Variants in LAMA2 observed in about 807,000 individuals in gnomAD.
LAMA2 encodes the protein laminin subunit alpha 2, also known as laminin subunit alpha-2.
In LAMA2, 269 loss-of-function variants were observed where a neutral mutation model predicts 364.8. The ratio of observed to expected loss-of-function variants is 0.74; its 90% CI spans 0.67 to 0.82. The LOEUF is 0.82. LAMA2 is among the 40% of genes least tolerant of loss of function. LAMA2 has a pLI of 0.00. For synonymous variants in LAMA2, 1,379 were observed against 1,370.6 expected, an observed-to-expected ratio of 1.01 and a Z score of -0.14; for missense variants, 3,807 against 3,873.2, an observed-to-expected ratio of 0.98 and a Z score of 0.45.
Position 129,507,518 on chromosome 6 carries a change from G to T in LAMA2, c.8733G>T (p.Arg2911Ser), listed in dbSNP as rs1416941993. The change falls in exon 62 of 65, where the codon AGG becomes AGT. Residue 2911 changes from arginine (R) to serine (S), a missense_variant. Around this residue, in one of 3 missense-constraint regions of LAMA2, gnomAD observed 3,333 missense variants for 3,345.7 expected, o/e 1.00. Coordinates refer to ENST00000421865, the MANE Select transcript of LAMA2 (RefSeq NM_000426.4). ...PVTYSIDGCV[R>S]NLHMAEAPAD... ...CCTATAGCATTGATGGCTGCGTCAG[G>T]AATCTCCACATGGCAGAGGCCCCTG... 3.1e-6 allele frequency: 5 copies of T among 1,614,150 alleles called. No homozygotes were observed. The highest frequency in any genetic ancestry group is 4.2e-6 in the Non-Finnish European group (5 of 1,180,004).
chr6:129,390,005 A>G (rs893116080), intron 35 of LAMA2, among the ~76,000 whole-genome samples: 2 of 152,262 alleles, frequency 1.3e-5, no homozygotes, highest in African/African-American at 2.4e-5. Flanking sequence ...TGAGGAGAAC[A>G]TAAACATTCA....
chr6:129,297,548 A>G (rs1020974233), intron 20 of LAMA2, 137 bp from the exon 21 acceptor site: 2 of 771,844 alleles, frequency 2.6e-6, no homozygotes, highest in Non-Finnish European at 2.2e-6. Context: ...ATGAAAACCC[A>G]ATTGTCATAA....
intron 4 of LAMA2, among the ~76,000 whole-genome samples, chr6:129,141,593 T>C (rs911772899): frequency 3.3e-5 from 5 of 152,058 alleles, no homozygotes; most frequent in African/African-American, 1.2e-4. Flanking sequence ...GTGACTCAAG[T>C]AGTTTATTGG....
chr6:128,917,006 C>T (rs1007316787), intron 1 of LAMA2, among the ~76,000 whole-genome samples: 2 of 152,092 alleles, frequency 1.3e-5, no homozygotes, highest in Admixed American at 1.3e-4. Context: ...ACATTATCCT[C>T]ACATTTGTTT....
intron 49 of LAMA2, among the ~76,000 whole-genome samples, chr6:129,462,199 G>C (rs928676944): frequency 6.6e-6 from 1 of 151,962 alleles, no homozygotes; most frequent in Non-Finnish European, 1.5e-5. Flanking sequence ...AGAATGATTC[G>C]GGTAAGATGC....
intron 10 of LAMA2, among the ~76,000 whole-genome samples, chr6:129,189,634 T>C (rs73773696): frequency 0.029 from 4,342 of 152,190 alleles, 203 homozygotes; most frequent in African/African-American, 0.099. Context: ...AGGAAAACTT[T>C]GCTTTCTACT....
chr6:129,280,917 C>T (rs775789343), intron 18 of LAMA2, among the ~76,000 whole-genome samples: 1 of 152,124 alleles, frequency 6.6e-6, no homozygotes, highest in Admixed American at 6.6e-5. Flanking sequence ...TACTTTCACT[C>T]ATCATCACTG....
intron 20 of LAMA2, chr6:129,293,078 G>A (rs1427986207): frequency 5.1e-6 from 5 of 985,878 alleles, no homozygotes; most frequent in Non-Finnish European, 4.8e-6. Context: ...TAATCCCAGA[G>A]GCGCTGCATG....
rs2114939776 is a variant in LAMA2, at chr6:129,514,549, T to C, written c.9165T>C (p.Ser3055=). The change falls in exon 64 of 65, where the codon TCT becomes TCC. Residue 3055 remains serine (S), a synonymous_variant. Coordinates refer to ENST00000421865, the MANE Select transcript of LAMA2 (RefSeq NM_000426.4). ...AAGCCCAAAGCCCAAACCCAGCATCTACATCAGCTGACACAAATGACCCTG... is the reference window on the plus strand; with the variant it reads ...AAGCCCAAAGCCCAAACCCAGCATCCACATCAGCTGACACAAATGACCCTG... ...QVEAQSPNPA[S]TSADTNDPVF... is the part of the protein sequence containing the mutation. The C allele has an allele frequency of 1.2e-6, 2 of 1,614,178 alleles. No homozygotes were observed. Among genetic ancestry groups the C allele is most frequent in the Non-Finnish European group, 1.7e-6 (2 of 1,180,014 alleles).
chr6:129,378,154 A>C (rs1778480147), intron 34 of LAMA2, among the ~76,000 whole-genome samples: 1 of 152,206 alleles, frequency 6.6e-6, no homozygotes, highest in African/African-American at 2.4e-5. Context: ...AAGATTGTAC[A>C]ACATATTAGG....
chr6:129,505,158 T>C, intron 60 of LAMA2, 42 bp from the exon 61 acceptor site: 3 of 1,570,784 alleles, frequency 1.9e-6, no homozygotes, highest in Non-Finnish European at 2.6e-6. Flanking sequence ...ATATGTGAAA[T>C]TTGTTCAGGA....
At chr6:129,472,969 A>G (rs762294116) in intron 51 of LAMA2, among the ~76,000 whole-genome samples, 40 of 151,908 alleles carry the variant, frequency 2.6e-4, no homozygotes, top group African/African-American at 5.1e-4. Context: ...TATCTCTTTT[A>G]TCTTCATTGG....
chr6:129,367,705 A>G (rs1421274643), intron 33 of LAMA2, among the ~76,000 whole-genome samples: 1 of 152,246 alleles, frequency 6.6e-6, no homozygotes, highest in Non-Finnish European at 1.5e-5. Context: ...TTCCAGAAGA[A>G]GAAACCAATA....
chr6:129,422,471 C>A (rs1781124525), intron 40 of LAMA2, among the ~76,000 whole-genome samples: 1 of 151,928 alleles, frequency 6.6e-6, no homozygotes, highest in South Asian at 2.1e-4. Flanking sequence ...CCAGACTAAT[C>A]AGAAAAAAAT....
intron 35 of LAMA2, among the ~76,000 whole-genome samples, chr6:129,384,801 G>A (rs2494586): frequency 2.4e-3 from 362 of 152,040 alleles, no homozygotes; most frequent in African/African-American, 8.0e-3. Context: ...GCATAGATCA[G>A]GTGGTCTGAT....
In LAMA2 at chr6:129,333,478, T is replaced by G. The variant is rs1312773524; in HGVS notation, c.4311+5066T>G. ...TAAGATATTTAAATTACTCATATGC[T>G]TAATTGTGGAGAGTGGAGTGGGAAT... On this transcript the variant is annotated intron_variant, in intron 29 of 64. Coordinates refer to ENST00000421865, the MANE Select transcript of LAMA2 (RefSeq NM_000426.4). 2.6e-5 allele frequency among the ~76,000 whole-genome samples: 4 copies of G among 152,314 alleles called. No homozygotes were observed. In the South Asian group the frequency reaches 8.3e-4, roughly 32 times the overall value.
chr6:129,476,257 C>A (rs1426405191), intron 53 of LAMA2, among the ~76,000 whole-genome samples: 2 of 152,086 alleles, frequency 1.3e-5, no homozygotes, highest in Admixed American at 1.3e-4. Flanking sequence ...ATTTTTAAAA[C>A]CGAGGCTAGA....
chr6:129,215,170 T>C (rs1783347435), intron 12 of LAMA2, among the ~76,000 whole-genome samples: 1 of 152,204 alleles, frequency 6.6e-6, no homozygotes, highest in Non-Finnish European at 1.5e-5. Context: ...TTGCTCTGCC[T>C]GAGTATCTTG....
At chr6:129,245,886 A>T (rs1192608806) in intron 12 of LAMA2, among the ~76,000 whole-genome samples, 1 of 152,184 alleles carries the variant, frequency 6.6e-6, no homozygotes, top group Non-Finnish European at 1.5e-5. Context: ...AGAATGGATA[A>T]ATATAAAAAG....
Sources: allele counts gnomAD v4.1 joint callset (sites outside exome capture counted in the v4.1 genomes callset), GRCh38; gene constraint gnomAD v4.1.1; regional missense constraint gnomAD v4.1.1; transcripts MANE v1.5; gene names NCBI Gene and HGNC (gene_info 2026-07-23, HGNC 2026-07-21).